C5: variants seen among roughly 807,000 people sequenced by gnomAD.
C5 encodes the protein C3 and PZP-like alpha-2-macroglobulin domain-containing protein 4.
In C5, 140 loss-of-function variants were observed where a neutral mutation model predicts 218.8. The ratio of observed to expected loss-of-function variants is 0.64; its 90% CI spans 0.56 to 0.74. The LOEUF (loss-of-function observed/expected upper bound fraction) is 0.74. Among genes scored for constraint, C5 ranks in the 30% least tolerant of loss-of-function variants. C5 has a pLI of 0.00. For missense variants in C5, 1,700 were observed against 1,969.6 expected (o/e 0.86, Z 2.59); for synonymous variants, 614 against 682.3 (o/e 0.90, Z 1.56).
chr9:121,015,265 G>A lies in C5; in HGVS notation c.1997-4C>T, dbSNP rs780957683. On this transcript the variant is annotated splice_region_variant and splice_polypyrimidine_tract_variant and intron_variant, in intron 15 of 40. Coordinates refer to ENST00000223642, the MANE Select transcript of C5 (RefSeq NM_001735.3). ...AGAATTTCTTTACAAGGTTCATCTG[G>A]TTTTTTTAAAAAAAGATAAAGAAGA... is the stretch of plus-strand genomic sequence containing the variant. 1 of 1,592,202 alleles carries A rather than the reference G, an allele frequency of 6.3e-7. No homozygotes were observed. The highest frequency in any genetic ancestry group is 1.7e-5 in the Admixed American group (1 of 59,728).
At chr9:120,977,307 T>G (rs980485724) in intron 28 of C5, among the ~76,000 whole-genome samples, 1 of 152,208 alleles carries the variant, frequency 6.6e-6, no homozygotes, top group East Asian at 1.9e-4. Context: ...ATATGAAACA[T>G]AAATGAATTT....
Position 120,957,375 on chromosome 9 carries a change from A to G in C5, c.4679-7T>C. ...GTGATGCTAACTTTATAAGCTGGCA[A>G]AAGACAAACAACAATGAAACAATTC... is the stretch of plus-strand genomic sequence containing the variant. On this transcript the variant is annotated splice_region_variant and splice_polypyrimidine_tract_variant and intron_variant, in intron 38 of 40. Coordinates refer to ENST00000223642, the MANE Select transcript of C5 (RefSeq NM_001735.3). 1.2e-6 allele frequency: 2 copies of G among 1,605,290 alleles called. No individual in the cohort carries two copies. The highest frequency in any genetic ancestry group is 1.7e-6 in the Non-Finnish European group (2 of 1,172,484).
rs548047466 is a variant in C5 at position 121,009,635 on chromosome 9, T to A, written c.2258-1137A>T. ...AAGCCTACACCATTTGTCTTTCCTG[T>A]TGGTACACTAAATTTTAACAACTAA... On this transcript the variant is annotated intron_variant, in intron 17 of 40. Transcript: ENST00000223642. Among the ~76,000 whole-genome samples the A allele has an allele frequency of 5.3e-5, 8 of 152,354 alleles. No individual in the cohort carries two copies. In the South Asian group the frequency reaches 1.7e-3, roughly 32 times the overall value.
chr9:120,973,520 C>T (rs960491891), intron 30 of C5, among the ~76,000 whole-genome samples: 2 of 152,206 alleles, frequency 1.3e-5, no homozygotes, highest in Admixed American at 6.5e-5. Flanking sequence ...CATGCCAATG[C>T]CTGGTGCTTT....
At chr9:120,955,511 G>C (rs2046777909) in intron 39 of C5, among the ~76,000 whole-genome samples, 1 of 152,092 alleles carries the variant, frequency 6.6e-6, no homozygotes, top group Non-Finnish European at 1.5e-5. Context: ...GCTTATTACT[G>C]CTTGTAATAT....
the C5 span, among the ~76,000 whole-genome samples, chr9:121,069,302 C>T: frequency 4.6e-5 from 7 of 152,096 alleles, no homozygotes; most frequent in East Asian, 1.9e-4. Context: ...ATCTCAACAA[C>T]AAAATTGTAT....
chr9:120,991,933 T>C (rs138126397), intron 22 of C5, among the ~76,000 whole-genome samples: 44 of 152,362 alleles, frequency 2.9e-4, no homozygotes, highest in African/African-American at 1.0e-3. Context: ...TTTAATTTTA[T>C]AGATGAGGAA....
Position 121,050,166 on chromosome 9 carries a change from A to G in C5, c.65+16T>C. 1 of 1,592,008 alleles carries G rather than the reference A, an allele frequency of 6.3e-7. No individual in the cohort carries two copies. The highest frequency in any genetic ancestry group is 8.6e-7 in the Non-Finnish European group (1 of 1,159,958). ...CTAAGATGCATTGAAAAATGAAGAT[A>G]GCTTGTTTTACTTACGTTTGCTCCT... On this transcript the variant is annotated intron_variant, in intron 1 of 40. Transcript: ENST00000223642.
chr9:121,058,383 G>A, the C5 span, among the ~76,000 whole-genome samples: 1 of 152,148 alleles, frequency 6.6e-6, no homozygotes, highest in Non-Finnish European at 1.5e-5. Flanking sequence ...AAACCATGCT[G>A]AAGTCTTACC....
In C5 at chr9:121,050,208, C is replaced by A. The variant is rs772198351; in HGVS notation, c.39G>T (p.Leu13=). ...LLGILCFLIF[L]GKTWGQEQTY... is the part of the protein sequence containing the mutation. ...TTTGCTCCTGTCCCCAGGTTTTCCC[C>A]AGGAAGATTAAAAAACAAAGTATTC... Residue 13 remains leucine, a synonymous_variant, in exon 1 of 41, where the codon CTG becomes CTT. Transcript: ENST00000223642. The A allele has an allele frequency of 2.5e-5, 40 of 1,613,784 alleles. No homozygotes were observed. The highest frequency in any genetic ancestry group is 3.2e-5 in the Non-Finnish European group (38 of 1,179,878).
At chr9:120,994,736 G>T (rs2047103633) in intron 22 of C5, among the ~76,000 whole-genome samples, 1 of 152,118 alleles carries the variant, frequency 6.6e-6, no homozygotes, top group African/African-American at 2.4e-5. Context: ...AGGGAAAAAA[G>T]TCATATGAGA....
chr9:121,054,530 G>A (rs1361805273), upstream of C5, among the ~76,000 whole-genome samples: 5 of 152,194 alleles, frequency 3.3e-5, no homozygotes, highest in African/African-American at 1.2e-4. Flanking sequence ...AACCTGGGAG[G>A]CAGAGGTTGC....
At chr9:121,037,560 C>T (rs1343253192) in intron 4 of C5, among the ~76,000 whole-genome samples, 1 of 152,092 alleles carries the variant, frequency 6.6e-6, no homozygotes, top group Non-Finnish European at 1.5e-5. Flanking sequence ...ATCCACCTGC[C>T]TCGGCCTCCC....
At chr9:121,050,077 C>T (rs1255803182) in intron 1 of C5, 105 bp downstream of exon 1, 1 of 942,208 alleles carries the variant, frequency 1.1e-6, no homozygotes, top group Non-Finnish European at 1.7e-6. Flanking sequence ...TTGCTGTTCT[C>T]AGAAGTAGCA....
chr9:120,982,831 A>G lies in C5; in HGVS notation c.3231-17T>C, dbSNP rs373772146. ...GCTGTTAACCTTTAAGACAAAATCA[A>G]ATAAATAAATATTTAGAACGCTGAA... On this transcript the variant is annotated splice_polypyrimidine_tract_variant and intron_variant, in intron 25 of 40. Coordinates refer to ENST00000223642, the MANE Select transcript of C5 (RefSeq NM_001735.3). The G allele has an allele frequency of 1.5e-5, 21 of 1,423,520 alleles. No homozygotes were observed. The highest frequency in any genetic ancestry group is 2.1e-5 in the Non-Finnish European group (21 of 1,016,154). 88.2% of individuals were successfully genotyped at this position (1,423,520 alleles called of 1,614,324 possible). A position where few individuals can be genotyped will look rare whatever the true frequency, so the allele number is the denominator to read the frequency against.
rs1471704881 is a variant in C5 at position 121,039,360 on chromosome 9, C to T, written c.422-1409G>A. Among the ~76,000 whole-genome samples, 6 of 152,142 alleles carry T rather than the reference C, an allele frequency of 3.9e-5. No individual in the cohort carries two copies. The South Asian group carries it at 6.2e-4, about 16-fold the overall frequency. On this transcript the variant is annotated intron_variant, in intron 3 of 40. Transcript: ENST00000223642. ...TGTATAAAAGATATGGCTTATTGGC[C>T]GGGTGCAGTGGCTTACACCTGGAAT...
At chr9:120,953,584 C>T in intron 40 of C5, 146 bp downstream of exon 40, 1 of 875,758 alleles carries the variant, frequency 1.1e-6, no homozygotes, top group Non-Finnish European at 1.8e-6. Flanking sequence ...GGTTTTAAAT[C>T]ATTCTTTGCT....
chr9:121,046,119 C>T, intron 2 of C5, 72 bp downstream of exon 2: 1 of 777,928 alleles, frequency 1.3e-6, no homozygotes. Context: ...TATCAATATT[C>T]AAACTTTGTA....
intron 13 of C5, 30 bp downstream of exon 13, chr9:121,017,613 T>C (rs184489557): frequency 1.2e-6 from 2 of 1,607,908 alleles, no homozygotes; most frequent in East Asian, 2.2e-5. Context: ...GAAAAGAAAA[T>C]TCAATTGTGA....
Sources: gnomAD v4.1 joint callset for allele counts (sites outside exome capture counted in the v4.1 genomes callset) on GRCh38, gnomAD v4.1.1 for gene constraint, MANE v1.5 for transcripts, NCBI Gene and HGNC (gene_info 2026-07-23, HGNC 2026-07-21) for gene names.